PRSS23: variants seen among roughly 807,000 people sequenced by gnomAD.
The protein encoded by PRSS23 is serine protease 23, also known as protease, serine 23.
A neutral mutation model predicts 34.7 loss-of-function variants in PRSS23; 25 were observed. The observed-to-expected ratio is 0.72, with a 90% CI of 0.53 to 1.01. PRSS23 has a LOEUF of 1.01. Ranked by LOEUF, PRSS23 falls within the 50% of genes least tolerant of loss-of-function variation. The pLI is 0.00. For missense variants in PRSS23, 445 were observed against 475.6 expected (o/e 0.94, Z 0.60); for synonymous variants, 176 against 186.6 (o/e 0.94, Z 0.46).
intron 2 of PRSS23, chr11:86,912,322 A>G (rs1948983453): frequency 6.6e-6 from 1 of 152,222 alleles, no homozygotes; most frequent in South Asian, 2.1e-4. Flanking sequence ...TATGCATTTC[A>G]TTACATTTGG....
At chr11:86,858,916 GGAT>G (rs1035461659) in intron 2 of PRSS23, among the ~76,000 whole-genome samples, 4 of 151,424 alleles carry the variant, frequency 2.6e-5, no homozygotes, top group African/African-American at 9.7e-5. Context: ...AGGAGGGAGA[GGAT>G]GATATTACTC....
At chr11:86,836,501 A>G (rs113939702) in intron 2 of PRSS23, among the ~76,000 whole-genome samples, 1,810 of 152,320 alleles carry the variant, frequency 0.012, 15 homozygotes, top group Non-Finnish European at 0.017. Flanking sequence ...CAGGTGTGTA[A>G]TAGCCCCTGC....
chr11:86,849,018 G>A (rs561802688), intron 2 of PRSS23, among the ~76,000 whole-genome samples: 2 of 152,232 alleles, frequency 1.3e-5, no homozygotes, highest in African/African-American at 4.8e-5. Flanking sequence ...GAGGATGAAG[G>A]CCCCCTGGGC....
At chr11:86,948,465 C>G (rs1001931529) in intron 2 of PRSS23, 3 of 152,178 alleles carry the variant, frequency 2.0e-5, no homozygotes, top group Non-Finnish European at 4.4e-5. Context: ...ACCCCTCAGC[C>G]ACAAAGTTCT....
In PRSS23 at chr11:86,899,837, A is replaced by AG. The variant is rs1045192686; in HGVS notation, c.207-51379_207-51378insG. On this transcript the variant is annotated intron_variant, in intron 2 of 2. Transcript: ENST00000533902. ...GGCCGCGAGACCCCATTTCTTAAAA[A>AG]AAAAAAAAATACTACCCCAAGGGAG... Among the ~76,000 whole-genome samples, 41 of 152,164 alleles carry AG rather than the reference A, an allele frequency of 2.7e-4. 1 individual carries two copies. The highest frequency in any genetic ancestry group is 8.9e-4 in the African/African-American group (37 of 41,514).
chr11:86,915,524 AG>A (rs1949005674), intron 2 of PRSS23, among the ~76,000 whole-genome samples: 1 of 149,188 alleles, frequency 6.7e-6, no homozygotes, highest in South Asian at 2.1e-4. Context: ...ATATCTGCTT[AG>A]AGTCGTAATA....
chr11:86,942,343 A>G lies in PRSS23; in HGVS notation c.207-8873A>G, dbSNP rs147059535. Among the ~76,000 whole-genome samples the G allele has an allele frequency of 2.4e-4, 36 of 152,366 alleles. 1 individual carries two copies. The highest frequency in any genetic ancestry group is 7.7e-4 in the African/African-American group (32 of 41,598). On this transcript the variant is annotated intron_variant, in intron 2 of 2. Coordinates refer to the PRSS23 transcript ENST00000533902. ...GCAAAGGCAAAGGGGTGAGAGGAAC[A>G]TGATGAAACCAGGACAGGATTTTCT...
At chr11:86,912,040 G>C (rs117636528) in intron 2 of PRSS23, 4,883 of 152,314 alleles carry the variant, frequency 0.032, 100 homozygotes, top group Middle Eastern at 0.044. Flanking sequence ...GCCTCTCAAA[G>C]TGTTGGGATT....
chr11:86,912,314 T>C (rs543243039), intron 2 of PRSS23: 12 of 152,242 alleles, frequency 7.9e-5, no homozygotes, highest in Non-Finnish European at 1.5e-4. Context: ...TGAGAACATA[T>C]GCATTTCATT....
intron 2 of PRSS23, among the ~76,000 whole-genome samples, chr11:86,846,852 C>T (rs896191921): frequency 6.6e-6 from 1 of 152,162 alleles, no homozygotes; most frequent in Non-Finnish European, 1.5e-5. Context: ...ACCAGTTCCC[C>T]ACCATAGTGT....
At chr11:86,923,604 A>G (rs1281014906) in intron 2 of PRSS23, among the ~76,000 whole-genome samples, 1 of 152,180 alleles carries the variant, frequency 6.6e-6, no homozygotes, top group African/African-American at 2.4e-5. Context: ...GGCATTTTCT[A>G]GTTCCAGTAT....
rs562147719 is a variant in PRSS23 at position 86,928,735 on chromosome 11, A to T, written c.207-22481A>T. ...GCAAGACATATACAGCATATAATAC[A>T]TTATGTTATATATTAATATATAATA... On this transcript the variant is annotated intron_variant, in intron 2 of 2. Transcript: ENST00000533902. Among the ~76,000 whole-genome samples the T allele has an allele frequency of 1.4e-3, 190 of 135,282 alleles. 3 individuals are homozygous for T. The highest frequency in any genetic ancestry group is 4.7e-3 in the African/African-American group (177 of 37,760). The allele number at this position is 135,282 out of a possible 152,430, so 88.8% of individuals were successfully genotyped here.
chr11:86,832,727 G>T (rs1484813551), intron 2 of PRSS23: 3 of 303,404 alleles, frequency 9.9e-6, no homozygotes, highest in Non-Finnish European at 6.4e-6. Context: ...TGACAGGGGA[G>T]ACCCACAGGT....
rs867305252 is a variant in PRSS23 at position 86,879,298 on chromosome 11, G to A, written c.206+55705G>A. Among the ~76,000 whole-genome samples, 44 of 148,742 alleles carry A rather than the reference G, an allele frequency of 3.0e-4. No individual in the cohort carries two copies. In the East Asian group the frequency reaches 6.0e-3, roughly 20 times the overall value. ...CGACCCCGTCTGGGAGGTGAGGAGCGTCTCTGCCCAGCCGCCCCGTCTGAG... is the reference window on the plus strand; with the variant it reads ...CGACCCCGTCTGGGAGGTGAGGAGCATCTCTGCCCAGCCGCCCCGTCTGAG... On this transcript the variant is annotated intron_variant, in intron 2 of 2. Transcript: ENST00000533902.
Position 86,807,824 on chromosome 11 carries a change from G to A in PRSS23, c.181G>A (p.Val61Ile). The A allele has an allele frequency of 6.2e-7, 1 of 1,614,128 alleles. No homozygotes were observed. Among genetic ancestry groups the A allele is most frequent in the Non-Finnish European group, 8.5e-7 (1 of 1,180,036 alleles). ...PDFGAEAKLE[V>I]SSSCGPQCHK... ...CTTTGGAGCCGAAGCCAAATTAGAA[G>A]TATCTTCTTCATGTGGACCCCAGTG... The change falls in exon 2 of 2, where the codon GTA (valine) becomes ATA (isoleucine). Residue 61 changes from valine to isoleucine, a missense_variant. Coordinates refer to ENST00000280258, the MANE Select transcript of PRSS23 (RefSeq NM_007173.6).
chr11:86,824,611 T>C (rs1034401628), intron 2 of PRSS23, among the ~76,000 whole-genome samples: 1 of 143,360 alleles, frequency 7.0e-6, no homozygotes, highest in Non-Finnish European at 1.5e-5. Context: ...GTATATCTCC[T>C]AAAGCTATCC....
rs56199835 is a variant in PRSS23, at chr11:86,856,324, T to TAA, written c.206+32746_206+32747dup. Among the ~76,000 whole-genome samples, 1,184 of 145,894 alleles carry TAA rather than the reference T, an allele frequency of 8.1e-3. 8 individuals are homozygous for TAA. Among genetic ancestry groups the TAA allele is most frequent in the South Asian group, 0.014 (65 of 4,500 alleles). ...ATCATTGAAACAGTCTCTGGTGCTT[T>TAA]AAAAAAAAAAAAAAAATCTGCATGC... is the stretch of plus-strand genomic sequence containing the variant. On this transcript the variant is annotated intron_variant, in intron 2 of 2. Coordinates refer to the PRSS23 transcript ENST00000533902.
Position 86,841,199 on chromosome 11 carries a change from T to G in PRSS23, c.206+17606T>G, listed in dbSNP as rs183874626. Among the ~76,000 whole-genome samples the G allele has an allele frequency of 9.1e-4, 138 of 151,738 alleles. 1 individual carries two copies. Among genetic ancestry groups the G allele is most frequent in the Non-Finnish European group, 1.7e-3 (114 of 67,870 alleles). ...TACTAAAAATACAAAATTAGCCTGG[T>G]GTGGTGGCACATGCCTGCAATCCCA... On this transcript the variant is annotated intron_variant, in intron 2 of 2. Coordinates refer to the PRSS23 transcript ENST00000533902.
At chr11:86,801,707 A>T (rs189361379) in intron 1 of PRSS23, among the ~76,000 whole-genome samples, 2 of 152,218 alleles carry the variant, frequency 1.3e-5, no homozygotes, top group African/African-American at 4.8e-5. Flanking sequence ...CTACTTGTGC[A>T]TGCGAGTATT....
Sources: allele counts gnomAD v4.1 joint callset (sites outside exome capture counted in the v4.1 genomes callset), GRCh38; gene constraint gnomAD v4.1.1; transcripts MANE v1.5; gene names NCBI Gene and HGNC (gene_info 2026-07-23, HGNC 2026-07-21).